PLTP: variants seen among roughly 807,000 people sequenced by gnomAD.
PLTP encodes BPI fold containing family E.
Under a neutral mutation model 54.1 loss-of-function variants are expected in PLTP, and 43 were observed. The observed-to-expected ratio is 0.79, with a 90% CI of 0.62 to 1.02. PLTP has a LOEUF of 1.02. PLTP is among the 50% of genes least tolerant of loss of function. PLTP has a pLI of 0.00. For missense variants in PLTP, 604 were observed against 645.9 expected (o/e 0.94, Z 0.70); for synonymous variants, 263 against 264.6 (o/e 0.99, Z 0.06).
rs2083227635 is a variant in PLTP at position 45,905,109 on chromosome 20, A to G, written c.715T>C (p.Phe239Leu). Residue 239 changes from phenylalanine to leucine, a missense_variant, in exon 9 of 16, where the codon TTC becomes CTC. Transcript: ENST00000372431. ...CTCCAGTTCCTCTCAGTCAGGGGGA[A>G]GAAGGCCCCCTGGGGTGGGGCATTC... ...NLDMDFRGAF[F>L]PLTERNWSLP... The G allele has an allele frequency of 1.9e-6, 3 of 1,613,954 alleles. No homozygotes were observed. The highest frequency in any genetic ancestry group is 2.2e-5 in the East Asian group (1 of 44,880).
intron 10 of PLTP, among the ~76,000 whole-genome samples, chr20:45,904,407 G>A (rs990120021): frequency 1.3e-5 from 2 of 152,116 alleles, no homozygotes; most frequent in Non-Finnish European, 2.9e-5. Flanking sequence ...AGGTTGCAGT[G>A]AGCCTAGATT....
At chr20:45,903,054 C>T (rs998837487) in intron 10 of PLTP, among the ~76,000 whole-genome samples, 3 of 152,170 alleles carry the variant, frequency 2.0e-5, no homozygotes, top group African/African-American at 2.4e-5. Flanking sequence ...AGGCACCTGC[C>T]GCCATGCCCG....
intron 8 of PLTP, 26 bp downstream of exon 8, chr20:45,906,242 G>T (rs190797303): frequency 1.3e-4 from 205 of 1,530,056 alleles, no homozygotes; most frequent in Admixed American, 4.2e-4. Flanking sequence ...GAAGTCAGAG[G>T]TCATACACCA....
At position 45,899,028 on chromosome 20, in the gene PLTP, G is replaced by A. The variant is rs1435677993; in HGVS notation, c.1395C>T (p.Ala465=). The change falls in exon 16 of 16, where the codon GCC becomes GCT. Residue 465 remains alanine, a synonymous_variant. Transcript: ENST00000372431. ...TCTCAATCACCTCTCGCAGCCCTTT[G>A]GCAAAGTGGAGATCAGCCCCGATGG... ...FLTIGADLHF[A]KGLREVIEKN... is the part of the protein sequence containing the mutation. The A allele has an allele frequency of 1.9e-6, 3 of 1,614,076 alleles. No homozygotes were observed. The Admixed American group carries it at 5.0e-5, about 27-fold the overall frequency.
chr20:45,901,988 A>C (rs748142214), intron 12 of PLTP, among the ~76,000 whole-genome samples: 11 of 152,130 alleles, frequency 7.2e-5, no homozygotes, highest in Non-Finnish European at 1.5e-4. Context: ...GGTTTTTGTC[A>C]AAACCCATGT....
At chr20:45,903,991 G>A (rs1176906727) in intron 10 of PLTP, among the ~76,000 whole-genome samples, 2 of 152,174 alleles carry the variant, frequency 1.3e-5, no homozygotes, top group Admixed American at 6.5e-5. Context: ...GAGCCATCAT[G>A]CCCAGCCATA....
chr20:45,911,147 C>T lies in PLTP; in HGVS notation c.200+5G>A, dbSNP rs1378748110. 6.2e-7 allele frequency: 1 copy of T among 1,613,418 alleles called. No individual in the cohort carries two copies. The highest frequency in any genetic ancestry group is 1.3e-5 in the African/African-American group (1 of 74,912). ...CCGGATCGCGAGGCCCCGCCCCCCA[C>T]TTACTCAGAGATGTTGTAGTAGAAG... On this transcript the variant is annotated splice_donor_5th_base_variant and intron_variant, in intron 3 of 15. Transcript: ENST00000372431.
At position 45,899,493 on chromosome 20, in the gene PLTP, T is replaced by G; in HGVS notation, c.1328A>C (p.Asn443Thr). 1 of 1,614,134 alleles carries G rather than the reference T, an allele frequency of 6.2e-7. No homozygotes were observed. Among genetic ancestry groups the G allele is most frequent in the Non-Finnish European group, 8.5e-7 (1 of 1,180,008 alleles). ...GVQIPLPEGINFVHEVVTNHA... is the reference protein window; with the variant it reads ...GVQIPLPEGITFVHEVVTNHA... ...GTTCGTCACCACCTCATGCACAAAG[T>G]TGATGCCCTCAGGTAGTGGGATCTG... is the stretch of plus-strand genomic sequence containing the variant. Residue 443 changes from asparagine to threonine, a missense_variant, in exon 15 of 16, where the codon AAC becomes ACC. Transcript: ENST00000372431.
chr20:45,899,224 A>G (rs768909595), intron 15 of PLTP, among the ~76,000 whole-genome samples, 161 bp from the exon 16 acceptor site: 16 of 152,146 alleles, frequency 1.1e-4, no homozygotes, highest in Admixed American at 6.6e-5. Flanking sequence ...TATGGGTGTC[A>G]AGGAGGGCTT....
chr20:45,911,316 C>T, intron 2 of PLTP, 37 bp downstream of exon 2: 1 of 1,613,912 alleles, frequency 6.2e-7, no homozygotes, highest in South Asian at 1.1e-5. Flanking sequence ...CCAACCCCGT[C>T]CGCTCCCGTC....
Position 45,904,744 on chromosome 20 carries a change from C to G in PLTP, c.942+56G>C, listed in dbSNP as rs891459018. On this transcript the variant is annotated intron_variant, in intron 10 of 15. Transcript: ENST00000372431. ...GCCACTGGGGGCCCCACCTGCACCC[C>G]TCCTTGGTCTCACTGGTGTGCAGGT... 8.8e-6 allele frequency: 14 copies of G among 1,582,692 alleles called. No homozygotes were observed. In the African/African-American group the frequency reaches 1.7e-4, roughly 20 times the overall value.
chr20:45,909,539 G>A lies in PLTP; in HGVS notation c.462C>T (p.His154=), dbSNP rs547730936. 9.3e-6 allele frequency: 15 copies of A among 1,614,176 alleles called. No homozygotes were observed. The highest frequency in any genetic ancestry group is 2.7e-5 in the African/African-American group (2 of 75,048). ...ACTTGAAGGTTCCCCCGAAGGCCGC[G>A]TGCATTCTGGAGACAGAGGCCTGGC... The part of the protein sequence containing the change: ...VSCQASVSRM[H]AAFGGTFKKV... The change falls in exon 5 of 16, where the codon CAC becomes CAT. Residue 154 remains histidine, a synonymous_variant. Coordinates refer to ENST00000372431, the MANE Select transcript of PLTP (RefSeq NM_006227.4).
chr20:45,907,830 G>A lies in PLTP; in HGVS notation c.549+11C>T, dbSNP rs199556364. 35 of 1,603,446 alleles carry A rather than the reference G, an allele frequency of 2.2e-5. No homozygotes were observed. In the East Asian group the frequency reaches 3.4e-4, roughly 15 times the overall value. On this transcript the variant is annotated intron_variant, in intron 6 of 15. Transcript: ENST00000372431. Reference sequence around the variant, plus strand: ...CACCCTTGCCACCCTGCGACCTGTCGCTGCCCACACCTGCTGGTTGAGGAG... The same window carrying A: ...CACCCTTGCCACCCTGCGACCTGTCACTGCCCACACCTGCTGGTTGAGGAG...
At chr20:45,911,053 C>T in intron 3 of PLTP, 99 bp downstream of exon 3, 1 of 1,610,206 alleles carries the variant, frequency 6.2e-7, no homozygotes, top group Non-Finnish European at 8.5e-7. Context: ...ACGCCCCATC[C>T]CACTCAGCCT....
At chr20:45,906,125 T>C (rs2083236079) in intron 8 of PLTP, 143 bp downstream of exon 8, 1 of 716,006 alleles carries the variant, frequency 1.4e-6, no homozygotes, top group Admixed American at 2.0e-5. Flanking sequence ...AACCTAATTC[T>C]GTAGTAACAG....
At chr20:45,902,666 A>C in intron 10 of PLTP, 62 bp from the exon 11 acceptor site, 1 of 1,499,598 alleles carries the variant, frequency 6.7e-7, no homozygotes, top group Non-Finnish European at 9.0e-7. Flanking sequence ...CCCCCAGGGA[A>C]GAAGGGGAAG....
chr20:45,899,381 G>A, intron 15 of PLTP, 81 bp downstream of exon 15: 1 of 1,425,050 alleles, frequency 7.0e-7, no homozygotes, highest in South Asian at 1.2e-5. Flanking sequence ...TGGGGGAGCT[G>A]GGGTCAGGTA....
intron 10 of PLTP, among the ~76,000 whole-genome samples, chr20:45,902,983 A>G (rs746776273): frequency 1.2e-4 from 18 of 151,990 alleles, no homozygotes; most frequent in Non-Finnish European, 2.4e-4. Context: ...GGCTCACTGC[A>G]ACTCTGTCTC....
At chr20:45,906,522 T>C (rs1183258592) in intron 7 of PLTP, among the ~76,000 whole-genome samples, 163 bp from the exon 8 acceptor site, 1 of 152,086 alleles carries the variant, frequency 6.6e-6, no homozygotes, top group Non-Finnish European at 1.5e-5. Context: ...GCCTGGTGTG[T>C]AGTTAGGTGC....
Sources: gnomAD v4.1 joint callset for allele counts (sites outside exome capture counted in the v4.1 genomes callset) on GRCh38, gnomAD v4.1.1 for gene constraint, MANE v1.5 for transcripts, NCBI Gene and HGNC (gene_info 2026-07-23, HGNC 2026-07-21) for gene names.